PAIP1: variants seen among roughly 807,000 people sequenced by gnomAD.
PAIP1 encodes poly(A) binding protein interacting protein 1.
PAIP1 carries 16 observed loss-of-function variants against 61.3 expected under a neutral mutation model. The ratio of observed to expected loss-of-function variants is 0.26; its 90% CI spans 0.18 to 0.40. PAIP1 has a LOEUF of 0.40. Ranked by LOEUF, PAIP1 falls within the 10% of genes least tolerant of loss-of-function variation. The pLI, the probability that PAIP1 is intolerant of heterozygous loss-of-function variation, is 1.00. For missense variants in PAIP1, 416 were observed against 600.9 expected (o/e 0.69, Z 3.22); for synonymous variants, 187 against 226.2 (o/e 0.83, Z 1.56).
chr5:43,549,270 A>G (rs939635430), intron 2 of PAIP1, among the ~76,000 whole-genome samples: 1 of 152,234 alleles, frequency 6.6e-6, no homozygotes. Flanking sequence ...AACATTGCCA[A>G]TTGTCCACTT....
chr5:43,532,272 G>T (rs1490182752), intron 9 of PAIP1, among the ~76,000 whole-genome samples: 1 of 152,154 alleles, frequency 6.6e-6, no homozygotes, highest in Non-Finnish European at 1.5e-5. Context: ...ACCAGACATA[G>T]CAAGATTCAC....
chr5:43,547,038 A>C (rs13361101), intron 3 of PAIP1, among the ~76,000 whole-genome samples: 85 of 118,294 alleles, frequency 7.2e-4, no homozygotes, highest in African/African-American at 2.4e-3. Flanking sequence ...GCAAGACTCC[A>C]TATCAAAAAA....
intron 1 of PAIP1, chr5:43,556,371 T>TCC: frequency 8.1e-7 from 1 of 1,229,550 alleles, no homozygotes; most frequent in East Asian, 3.2e-5. Flanking sequence ...ACCCGGCCCC[T>TCC]CCCCCCAGCC....
intron 7 of PAIP1, 45 bp from the exon 8 acceptor site, chr5:43,535,015 C>T: frequency 1.0e-6 from 1 of 975,870 alleles, no homozygotes; most frequent in South Asian, 1.3e-5. Flanking sequence ...ACCATAAGGG[C>T]TGTCAGACCC....
At chr5:43,533,620 T>C (rs1747030731) in intron 9 of PAIP1, 118 bp downstream of exon 9, 1 of 744,694 alleles carries the variant, frequency 1.3e-6, no homozygotes, top group Non-Finnish European at 2.5e-6. Flanking sequence ...ACTGGTATTT[T>C]AGAATGATGT....
chr5:43,554,121 T>C (rs367921324), intron 2 of PAIP1, among the ~76,000 whole-genome samples: 2 of 152,120 alleles, frequency 1.3e-5, no homozygotes, highest in South Asian at 2.1e-4. Context: ...TGGCTCAAAG[T>C]AGGTGGACTA....
In PAIP1 at chr5:43,550,679, G is replaced by A. The variant is rs563282544; in HGVS notation, c.436-2766C>T. Reference sequence around the variant, plus strand: ...TCACTTTGGTTATTCATTCAAAATGGTGTGGCTGCTGAGTACCTACTAAGT... The same window carrying A: ...TCACTTTGGTTATTCATTCAAAATGATGTGGCTGCTGAGTACCTACTAAGT... On this transcript the variant is annotated intron_variant, in intron 2 of 10. Coordinates refer to ENST00000306846, the MANE Select transcript of PAIP1 (RefSeq NM_006451.5). Among the ~76,000 whole-genome samples, 52 of 152,084 alleles carry A rather than the reference G, an allele frequency of 3.4e-4. 1 individual carries two copies. In the South Asian group the frequency reaches 5.8e-3, roughly 17 times the overall value.
rs1188637570 is a variant in PAIP1 at position 43,526,886 on chromosome 5, A to G, written c.*490T>C. On this transcript the variant is annotated 3_prime_UTR_variant, in exon 11 of 11. Coordinates refer to ENST00000306846, the MANE Select transcript of PAIP1 (RefSeq NM_006451.5). Reference sequence around the variant, plus strand: ...TGTAAATCAGTTGTTGATATATTCCAAGACTTTAGTGCTAAAGATTTTCAA... The same window carrying G: ...TGTAAATCAGTTGTTGATATATTCCGAGACTTTAGTGCTAAAGATTTTCAA... 3 of 151,744 alleles carry G rather than the reference A, an allele frequency of 2.0e-5. No homozygotes were observed. Among genetic ancestry groups the G allele is most frequent in the African/African-American group, 7.3e-5 (3 of 41,358 alleles). The allele number at this position is 151,744 out of a possible 1,614,324, so 9.4% of individuals were successfully genotyped here.
chr5:43,540,894 G>A (rs1486798638), intron 4 of PAIP1, among the ~76,000 whole-genome samples: 3 of 152,010 alleles, frequency 2.0e-5, no homozygotes, highest in Non-Finnish European at 4.4e-5. Context: ...ACAGGATCTC[G>A]GCTTTAAGTA....
chr5:43,541,751 A>G (rs1267809682), intron 4 of PAIP1, among the ~76,000 whole-genome samples: 2 of 110,308 alleles, frequency 1.8e-5, no homozygotes, highest in Non-Finnish European at 4.0e-5. Context: ...ACATCAAATT[A>G]TAAGAAAACT....
At chr5:43,555,805 G>C (rs778747068) in intron 2 of PAIP1, 25 bp downstream of exon 2, 157 of 1,569,178 alleles carry the variant, frequency 1.0e-4, no homozygotes, top group Admixed American at 1.8e-4. Flanking sequence ...TTAACCCAGA[G>C]TTGTAGGAAA....
rs1235792226 is a variant in PAIP1 at position 43,535,664 on chromosome 5, A to G, written c.973-24T>C. On this transcript the variant is annotated intron_variant, in intron 6 of 10. Transcript: ENST00000306846. ...AACTAAAAAAGCAGGTGTCAGTAAAATAAGAAATTCAATAGTGTATTATAG... is the reference window on the plus strand; with the variant it reads ...AACTAAAAAAGCAGGTGTCAGTAAAGTAAGAAATTCAATAGTGTATTATAG... 9.5e-6 allele frequency: 12 copies of G among 1,266,822 alleles called. No homozygotes were observed. The South Asian group carries it at 1.3e-4, about 14-fold the overall frequency. The allele number at this position is 1,266,822 out of a possible 1,614,324, so 78.5% of individuals were successfully genotyped here. A position where few individuals can be genotyped will look rare whatever the true frequency, so the allele number is the denominator to read the frequency against.
rs1579933646 is a variant in PAIP1, at chr5:43,556,650, G to A, written c.197C>T (p.Pro66Leu). 3.2e-6 allele frequency: 4 copies of A among 1,264,640 alleles called. No individual in the cohort carries two copies. In the East Asian group the frequency reaches 9.4e-5, roughly 30 times the overall value. 78.3% of individuals were successfully genotyped at this position (1,264,640 alleles called of 1,614,324 possible). Reference protein sequence around the residue: ...PPPLRQPRTTPPPGAQCEVPA... With the variant: ...PPPLRQPRTTLPPGAQCEVPA... The stretch of plus-strand genomic sequence containing the variant: ...GACCTCGCACTGGGCCCCTGGCGGC[G>A]GGGTCGTCCTGGGCTGGCGCAGCGG... Residue 66 changes from proline (P) to leucine (L), a missense_variant, in exon 1 of 11, where the codon CCG becomes CTG. Pro to Leu is a moderately conservative substitution (Grantham distance 98, BLOSUM62 -3). Transcript: ENST00000306846.
At chr5:43,528,378 C>T (rs1032991467) in intron 10 of PAIP1, among the ~76,000 whole-genome samples, 2 of 152,156 alleles carry the variant, frequency 1.3e-5, no homozygotes, top group African/African-American at 4.8e-5. Context: ...TCTTGCCAAC[C>T]CTACCAACTG....
intron 4 of PAIP1, among the ~76,000 whole-genome samples, chr5:43,539,272 C>T (rs1009613413): frequency 2.5e-3 from 4 of 1,586 alleles, no homozygotes; most frequent in Non-Finnish European, 0.022. Context: ...CGATTTTTAT[C>T]AAATTTAATA....
chr5:43,539,509 G>C (rs944160862), intron 4 of PAIP1, among the ~76,000 whole-genome samples: 4 of 150,024 alleles, frequency 2.7e-5, no homozygotes, highest in Non-Finnish European at 4.4e-5. Flanking sequence ...AAAATAAAAT[G>C]AATTGTTTTT....
At chr5:43,539,165 TAAAG>T (rs1747287936) in intron 4 of PAIP1, 130 bp from the exon 5 acceptor site, 5 of 617,542 alleles carry the variant, frequency 8.1e-6, no homozygotes, top group Middle Eastern at 2.6e-4. Context: ...CTTTCTACAA[TAAAG>T]AAACTGTTCC....
chr5:43,545,704 T>TA (rs1747610112), intron 3 of PAIP1, among the ~76,000 whole-genome samples: 1 of 152,154 alleles, frequency 6.6e-6, no homozygotes, highest in Non-Finnish European at 1.5e-5. Context: ...TTCCGCCTTT[T>TA]AAAAATCCCC....
intron 5 of PAIP1, among the ~76,000 whole-genome samples, 166 bp downstream of exon 5, chr5:43,538,758 G>A (rs1418815714): frequency 6.6e-6 from 1 of 152,124 alleles, no homozygotes; most frequent in African/African-American, 2.4e-5. Flanking sequence ...TGGACAGACG[G>A]TCCAGTAAAC....
Sources: gnomAD v4.1 joint callset for allele counts (sites outside exome capture counted in the v4.1 genomes callset) on GRCh38, gnomAD v4.1.1 for gene constraint, MANE v1.5 for transcripts, NCBI Gene and HGNC (gene_info 2026-07-23, HGNC 2026-07-21) for gene names.